Variants in SLC22A23 observed in about 807,000 individuals in gnomAD.
The protein encoded by SLC22A23 is ion transporter protein.
A neutral mutation model predicts 61.0 loss-of-function variants in SLC22A23; 26 were observed. That is an observed-to-expected ratio of 0.43 (90% CI 0.31 to 0.59). The LOEUF (loss-of-function observed/expected upper bound fraction) is 0.59. Ranked by LOEUF, SLC22A23 falls within the 20% of genes least tolerant of loss-of-function variation. SLC22A23 has a pLI of 0.11. For synonymous variants in SLC22A23, 430 were observed against 413.9 expected, an observed-to-expected ratio of 1.04 and a Z score of -0.47; for missense variants, 796 against 934.7, an observed-to-expected ratio of 0.85 and a Z score of 1.94.
At chr6:3,287,160 G>T in intron 6 of SLC22A23, 69 bp from the exon 7 acceptor site, 1 of 1,445,762 alleles carries the variant, frequency 6.9e-7, no homozygotes, top group Non-Finnish European at 9.6e-7. Flanking sequence ...CCTCCTGGGA[G>T]TTCGTGCTGT....
chr6:3,438,776 T>G (rs1771391801), intron 1 of SLC22A23, among the ~76,000 whole-genome samples: 1 of 152,204 alleles, frequency 6.6e-6, no homozygotes, highest in South Asian at 2.1e-4. Context: ...CCAAACATGC[T>G]TTCCTAGGTG....
At position 3,362,396 on chromosome 6, in the gene SLC22A23, C is replaced by T. The variant is rs543086756; in HGVS notation, c.914-38394G>A. ...CCAGGCTGGGCGACAGAGCGAGATT[C>T]CGTCTCACAAAAAAAAAAAATAAAA... is the stretch of plus-strand genomic sequence containing the variant. On this transcript the variant is annotated intron_variant, in intron 3 of 9. Transcript: ENST00000406686. Among the ~76,000 whole-genome samples, 3 of 88,914 alleles carry T rather than the reference C, an allele frequency of 3.4e-5. No individual in the cohort carries two copies. The East Asian group carries it at 9.8e-4, about 29-fold the overall frequency. The allele number at this position is 88,914 out of a possible 152,430, so 58.3% of individuals were successfully genotyped here.
At chr6:3,302,675 A>G (rs1462959360) in intron 4 of SLC22A23, among the ~76,000 whole-genome samples, 2 of 152,066 alleles carry the variant, frequency 1.3e-5, no homozygotes, top group Non-Finnish European at 2.9e-5. Flanking sequence ...TTCCTTCTTA[A>G]TTTCTTCCTT....
intron 3 of SLC22A23, among the ~76,000 whole-genome samples, chr6:3,385,093 A>G (rs1310136600): frequency 6.6e-6 from 1 of 152,174 alleles, no homozygotes; most frequent in African/African-American, 2.4e-5. Context: ...AGGAGGGAGA[A>G]TGGGAATTTG....
intron 3 of SLC22A23, among the ~76,000 whole-genome samples, chr6:3,379,545 T>C (rs971429551): frequency 6.6e-6 from 1 of 152,090 alleles, no homozygotes. Context: ...GAGAGAAGGA[T>C]AGACAGCGTT....
At chr6:3,392,339 T>C (rs1219664716) in intron 3 of SLC22A23, among the ~76,000 whole-genome samples, 5 of 152,230 alleles carry the variant, frequency 3.3e-5, no homozygotes, top group African/African-American at 7.2e-5. Context: ...ACTGACTATA[T>C]TGATGATAGA....
At chr6:3,394,055 C>T (rs1767846495) in intron 3 of SLC22A23, among the ~76,000 whole-genome samples, 1 of 152,200 alleles carries the variant, frequency 6.6e-6, no homozygotes, top group Non-Finnish European at 1.5e-5. Flanking sequence ...CTGCAGAGAA[C>T]ATGAAATAAG....
At chr6:3,346,485 C>T (rs1764447147) in intron 3 of SLC22A23, among the ~76,000 whole-genome samples, 1 of 152,198 alleles carries the variant, frequency 6.6e-6, no homozygotes, top group Admixed American at 6.5e-5. Flanking sequence ...AGTGACTGTG[C>T]ACCCCATTGC....
chr6:3,278,576 A>G (rs1435584560), intron 9 of SLC22A23, among the ~76,000 whole-genome samples: 1 of 152,250 alleles, frequency 6.6e-6, no homozygotes, highest in Non-Finnish European at 1.5e-5. Flanking sequence ...GTTTGTGCTT[A>G]ATAAATACCG....
chr6:3,388,947 C>T (rs1322406557), intron 3 of SLC22A23, among the ~76,000 whole-genome samples: 1 of 151,936 alleles, frequency 6.6e-6, no homozygotes, highest in Non-Finnish European at 1.5e-5. Context: ...TTTTGCAGAC[C>T]AGAGTTTCAG....
At chr6:3,280,293 A>C (rs1432830605) in intron 9 of SLC22A23, among the ~76,000 whole-genome samples, 1 of 152,096 alleles carries the variant, frequency 6.6e-6, no homozygotes, top group Non-Finnish European at 1.5e-5. Flanking sequence ...AAGGCCACAC[A>C]GGGAGGCGGC....
intron 4 of SLC22A23, among the ~76,000 whole-genome samples, chr6:3,316,406 A>G (rs1762643731): frequency 6.6e-6 from 1 of 152,254 alleles, no homozygotes; most frequent in Non-Finnish European, 1.5e-5. Context: ...GTGAAGACAC[A>G]ATCAGCAAAT....
rs145777098 is a variant in SLC22A23 at position 3,308,883 on chromosome 6, C to T, written c.1083-10665G>A. Among the ~76,000 whole-genome samples, 228 of 151,418 alleles carry T rather than the reference C, an allele frequency of 1.5e-3. No homozygotes were observed. The highest frequency in any genetic ancestry group is 5.2e-3 in the African/African-American group (213 of 41,200). On this transcript the variant is annotated intron_variant, in intron 4 of 9. Coordinates refer to ENST00000406686, the MANE Select transcript of SLC22A23 (RefSeq NM_015482.2). This position sits in a 1 kb window ranked among gnomAD's most constrained non-coding sequence, Gnocchi z 5.1. The stretch of plus-strand genomic sequence containing the variant: ...ACTTGAACCTGGGAGGCAGAGGTTG[C>T]AGTGAGCCGAGATTGTGCCACTGCA...
At chr6:3,274,208 C>T (rs1250271171) in intron 9 of SLC22A23, among the ~76,000 whole-genome samples, 1 of 152,204 alleles carries the variant, frequency 6.6e-6, no homozygotes, top group African/African-American at 2.4e-5. Context: ...CAAACCTCTC[C>T]ACTTTGACCT....
chr6:3,448,911 A>T lies in SLC22A23; in HGVS notation c.654+6995T>A, dbSNP rs1306118105. Among the ~76,000 whole-genome samples, 12 of 148,236 alleles carry T rather than the reference A, an allele frequency of 8.1e-5. 1 individual carries two copies. On this transcript the variant is annotated intron_variant, in intron 1 of 9. Transcript: ENST00000406686. ...GAGAGGCAGAGGGAGACGGAGAGGG[A>T]GAGGGAGAGATCTGCAGATGGTTCA...
At chr6:3,383,417 G>A (rs77357791) in intron 3 of SLC22A23, among the ~76,000 whole-genome samples, 3,395 of 152,316 alleles carry the variant, frequency 0.022, 142 homozygotes, top group East Asian at 0.16. Flanking sequence ...GTACATGAAC[G>A]TGCACGGTGT....
At chr6:3,282,977 G>A (rs1759612367) in intron 9 of SLC22A23, among the ~76,000 whole-genome samples, 1 of 152,182 alleles carries the variant, frequency 6.6e-6, no homozygotes, top group Admixed American at 6.5e-5. Context: ...GGTATGAAAT[G>A]GCCGCAGACT....
chr6:3,435,673 T>G (rs1424162056), intron 1 of SLC22A23, among the ~76,000 whole-genome samples: 1 of 152,130 alleles, frequency 6.6e-6, no homozygotes, highest in Non-Finnish European at 1.5e-5. Context: ...GCCTCCCTTC[T>G]CCCTGAAGGG....
At chr6:3,350,824 A>G (rs1306376786) in intron 3 of SLC22A23, among the ~76,000 whole-genome samples, 3 of 152,176 alleles carry the variant, frequency 2.0e-5, no homozygotes, top group African/African-American at 7.2e-5. Flanking sequence ...GAGAGAAAAC[A>G]AATGGAATTT....
Sources: allele counts gnomAD v4.1 joint callset (sites outside exome capture counted in the v4.1 genomes callset), GRCh38; gene constraint gnomAD v4.1.1; non-coding constraint Gnocchi (gnomAD v3.1); transcripts MANE v1.5; gene names NCBI Gene and HGNC (gene_info 2026-07-23, HGNC 2026-07-21).